The following NOP58 variants were observed in gnomAD, a reference collection of about 807,000 sequenced individuals.
NOP58 encodes the protein NOP58 ribonucleoprotein.
In NOP58, 44 loss-of-function variants were observed where a neutral mutation model predicts 71.2. The observed-to-expected ratio is 0.62, with a 90% CI of 0.49 to 0.79. NOP58 has a LOEUF of 0.79. Among genes scored for constraint, NOP58 ranks in the 30% least tolerant of loss-of-function variants. The pLI, the probability that NOP58 is intolerant of heterozygous loss-of-function variation, is 0.00. For synonymous variants in NOP58, 228 were observed against 200.3 expected (o/e 1.14, Z -1.17); for missense variants, 538 against 620.2 (o/e 0.87, Z 1.41).
intron 1 of NOP58, among the ~76,000 whole-genome samples, chr2:202,274,102 C>T (rs1456527974): frequency 1.3e-5 from 2 of 152,208 alleles, no homozygotes; most frequent in Non-Finnish European, 1.5e-5. Flanking sequence ...AAATTTCTCA[C>T]ATCTAGATGT....
At chr2:202,281,817 A>G (rs1439571652) in intron 3 of NOP58, among the ~76,000 whole-genome samples, 2 of 152,228 alleles carry the variant, frequency 1.3e-5, no homozygotes, top group Non-Finnish European at 1.5e-5. Flanking sequence ...AACTTGCCAG[A>G]AATACCAGCG....
At chr2:202,278,295 A>G (rs1688640293) in intron 3 of NOP58, 2 of 529,000 alleles carry the variant, frequency 3.8e-6, no homozygotes, top group African/African-American at 1.9e-5. Context: ...ATGCTGAAGC[A>G]CAATTCAGTA....
At chr2:202,279,708 C>T (rs1688669584) in intron 3 of NOP58, among the ~76,000 whole-genome samples, 1 of 152,180 alleles carries the variant, frequency 6.6e-6, no homozygotes, top group African/African-American at 2.4e-5. Context: ...GCAGGAGAAA[C>T]ACTTGAACCT....
intron 12 of NOP58, among the ~76,000 whole-genome samples, chr2:202,299,065 T>C (rs997191036): frequency 6.6e-6 from 1 of 150,382 alleles, no homozygotes; most frequent in African/African-American, 2.5e-5. Context: ...GTTCAAGTTA[T>C]GCTCCTGCCT....
intron 4 of NOP58, among the ~76,000 whole-genome samples, chr2:202,282,784 C>T (rs1012182599): frequency 2.0e-5 from 3 of 151,812 alleles, no homozygotes; most frequent in East Asian, 3.9e-4. Flanking sequence ...TTTTTTCCAA[C>T]GAAAATGGGG....
At chr2:202,296,717 T>TTTGTTTGTTTG (rs1553573752) in intron 10 of NOP58, among the ~76,000 whole-genome samples, 4 of 149,080 alleles carry the variant, frequency 2.7e-5, no homozygotes, top group African/African-American at 7.4e-5. Flanking sequence ...CCACGCTTTT[T>TTTGTTTGTTTG]TTTGTTTGTT....
At chr2:202,269,675 A>C (rs1343909029) in intron 1 of NOP58, among the ~76,000 whole-genome samples, 1 of 152,000 alleles carries the variant, frequency 6.6e-6, no homozygotes, top group African/African-American at 2.4e-5. Flanking sequence ...CTAGGAGCAG[A>C]GGTTGCAATG....
Position 202,265,871 on chromosome 2 carries a change from G to A in NOP58, c.-71G>A. The A allele has an allele frequency of 6.3e-7, 1 of 1,590,582 alleles. No individual in the cohort carries two copies. Among genetic ancestry groups the A allele is most frequent in the Non-Finnish European group, 8.6e-7 (1 of 1,160,582 alleles). On this transcript the variant is annotated 5_prime_UTR_variant, in exon 1 of 15. Transcript: ENST00000264279. Reference sequence around the variant, plus strand: ...GCGGCCTAGGAGGCCTTTTGAGGCCGCGTAGTCGGTGTTTTTGAACTGACT... The same window carrying A: ...GCGGCCTAGGAGGCCTTTTGAGGCCACGTAGTCGGTGTTTTTGAACTGACT...
At chr2:202,273,112 G>A (rs889124172) in intron 1 of NOP58, among the ~76,000 whole-genome samples, 3 of 150,762 alleles carry the variant, frequency 2.0e-5, no homozygotes, top group Non-Finnish European at 4.5e-5. Flanking sequence ...GCGACAGAGC[G>A]AGACTCCGTC....
intron 1 of NOP58, among the ~76,000 whole-genome samples, chr2:202,267,788 TACTC>T (rs1241333232): frequency 6.6e-6 from 1 of 152,212 alleles, no homozygotes; most frequent in Non-Finnish European, 1.5e-5. Context: ...GGTCCTAAAA[TACTC>T]AACCGTGTCT....
intron 12 of NOP58, among the ~76,000 whole-genome samples, chr2:202,298,547 G>A (rs1183450322): frequency 6.6e-6 from 1 of 152,116 alleles, no homozygotes; most frequent in Non-Finnish European, 1.5e-5. Flanking sequence ...CAGGAGAATT[G>A]CTTGAAACCC....
chr2:202,275,094 T>C lies in NOP58; in HGVS notation c.46-19T>C, dbSNP rs545756137. 2.0e-4 allele frequency: 253 copies of C among 1,290,106 alleles called. 1 individual carries two copies. The South Asian group carries it at 3.1e-3, about 16-fold the overall frequency. The allele number at this position is 1,290,106 out of a possible 1,614,324, so 79.9% of individuals were successfully genotyped here. ...CACCTGTACCATTTAAATAAAACTA[T>C]TTAAACATTTTATTACAGGTTCTAA... On this transcript the variant is annotated intron_variant, in intron 1 of 14. Coordinates refer to ENST00000264279, the MANE Select transcript of NOP58 (RefSeq NM_015934.5).
chr2:202,276,361 C>A, intron 2 of NOP58: 3 of 282,654 alleles, frequency 1.1e-5, no homozygotes, highest in Non-Finnish European at 2.3e-5. Flanking sequence ...AAAAAGATGA[C>A]ACTGTTTTAG....
At chr2:202,299,498 G>A (rs1196867521) in intron 12 of NOP58, among the ~76,000 whole-genome samples, 3 of 152,106 alleles carry the variant, frequency 2.0e-5, no homozygotes, top group East Asian at 1.9e-4. Context: ...GACAAACATG[G>A]TTCTTTGTTT....
At chr2:202,274,595 CTT>C (rs1418286054) in intron 1 of NOP58, among the ~76,000 whole-genome samples, 1 of 151,790 alleles carries the variant, frequency 6.6e-6, no homozygotes, top group Non-Finnish European at 1.5e-5. Flanking sequence ...ATTAATGGCT[CTT>C]TTAAAAGAAA....
At chr2:202,296,276 AC>A (rs1348983206) in intron 10 of NOP58, among the ~76,000 whole-genome samples, 1 of 152,040 alleles carries the variant, frequency 6.6e-6, no homozygotes, top group East Asian at 1.9e-4. Flanking sequence ...GCTCACTGCA[AC>A]CTCCAGCTCC....
At chr2:202,283,911 A>G (rs1003710931) in intron 4 of NOP58, among the ~76,000 whole-genome samples, 1 of 152,208 alleles carries the variant, frequency 6.6e-6, no homozygotes, top group African/African-American at 2.4e-5. Context: ...CAAGTATTCT[A>G]CAAACACACT....
intron 10 of NOP58, among the ~76,000 whole-genome samples, chr2:202,296,994 A>G (rs1006951164): frequency 6.6e-6 from 1 of 152,040 alleles, no homozygotes; most frequent in African/African-American, 2.4e-5. Flanking sequence ...CGGCCTCCCA[A>G]AGTGCTGGGA....
At chr2:202,290,496 ATGAATT>A in intron 7 of NOP58, 39 bp downstream of exon 7, 1 of 1,551,922 alleles carries the variant, frequency 6.4e-7, no homozygotes, top group Middle Eastern at 1.7e-4. Context: ...TTGAAAGTAA[ATGAATT>A]TGATTGCATC....
Sources: allele counts gnomAD v4.1 joint callset (sites outside exome capture counted in the v4.1 genomes callset), GRCh38; gene constraint gnomAD v4.1.1; transcripts MANE v1.5; gene names NCBI Gene and HGNC (gene_info 2026-07-23, HGNC 2026-07-21).